Variants in GCH1 observed in about 807,000 individuals in gnomAD.
GCH1 encodes the protein GTP cyclohydrolase 1, also known as GTP cyclohydrolase I.
GCH1 carries 5 observed loss-of-function variants against 25.9 expected under a neutral mutation model. The ratio of observed to expected loss-of-function variants is 0.19; its 90% confidence interval spans 0.10 to 0.41. The LOEUF is 0.41. Ranked by LOEUF, GCH1 falls within the 10% of genes least tolerant of loss-of-function variation. GCH1 has a pLI of 1.00. For missense variants in GCH1, 261 were observed against 336.5 expected, an observed-to-expected ratio of 0.78 and a Z score of 1.75; for synonymous variants, 159 against 129.6, an observed-to-expected ratio of 1.23 and a Z score of -1.54.
rs2039579106 is a variant in GCH1 at position 54,842,886 on chromosome 14, A to G, written c.*1131T>C. On this transcript the variant is annotated 3_prime_UTR_variant, in exon 6 of 6. Transcript: ENST00000491895. The stretch of plus-strand genomic sequence containing the variant: ...TCTATACGGAGTTACAATGAGGACA[A>G]GACCCACATAGACCACAAAGGAAAC... The G allele has an allele frequency of 1.8e-6, 1 of 548,602 alleles. No individual in the cohort carries two copies. The highest frequency in any genetic ancestry group is 3.3e-5 in the Admixed American group (1 of 29,928). The allele number at this position is 548,602 out of a possible 1,614,324, so 34.0% of individuals were successfully genotyped here. A position where few individuals can be genotyped will look rare whatever the true frequency, so the allele number is the denominator to read the frequency against.
chr14:54,890,508 AT>A (rs1383418183), intron 1 of GCH1, among the ~76,000 whole-genome samples: 1 of 152,194 alleles, frequency 6.6e-6, no homozygotes, highest in African/African-American at 2.4e-5. Flanking sequence ...CAAAAAATAA[AT>A]AAATAACCAG....
At chr14:54,895,983 G>A (rs1002334690) in intron 1 of GCH1, among the ~76,000 whole-genome samples, 35 of 152,176 alleles carry the variant, frequency 2.3e-4, no homozygotes, top group African/African-American at 8.2e-4. Flanking sequence ...ATGGAGAGAC[G>A]CTGCAACGTA....
intron 4 of GCH1, among the ~76,000 whole-genome samples, chr14:54,846,782 C>G (rs926828747): frequency 1.3e-5 from 2 of 152,204 alleles, no homozygotes; most frequent in Admixed American, 6.5e-5. Context: ...TTTCTGTAGC[C>G]AGGCACAGTG....
intron 1 of GCH1, among the ~76,000 whole-genome samples, chr14:54,894,545 C>G (rs1006275287): frequency 6.6e-6 from 1 of 152,070 alleles, no homozygotes; most frequent in Non-Finnish European, 1.5e-5. Flanking sequence ...GAATCTAGTA[C>G]GAGTACCAAC....
At chr14:54,893,625 C>T (rs947772987) in intron 1 of GCH1, among the ~76,000 whole-genome samples, 2 of 152,182 alleles carry the variant, frequency 1.3e-5, no homozygotes, top group African/African-American at 4.8e-5. Context: ...CTCTCAGCTC[C>T]GCCACTTTCA....
At chr14:54,883,231 G>A (rs576856956) in intron 1 of GCH1, among the ~76,000 whole-genome samples, 3 of 151,742 alleles carry the variant, frequency 2.0e-5, no homozygotes, top group Non-Finnish European at 4.4e-5. Context: ...AATTAGCCGG[G>A]CACGGTGGCG....
rs529779746 is a variant in GCH1 at position 54,890,442 on chromosome 14, G to A, written c.343+11879C>T. On this transcript the variant is annotated intron_variant, in intron 1 of 5. Coordinates refer to ENST00000491895, the MANE Select transcript of GCH1 (RefSeq NM_000161.3). ...GAACCTGGGAGGTGGAGGTTGCGGT[G>A]AGACGAGATCGCGCCATTGCACTCC... 2.2e-4 allele frequency among the ~76,000 whole-genome samples: 34 copies of A among 152,330 alleles called. 3 individuals carry two copies. In the South Asian group the frequency reaches 7.0e-3, roughly 32 times the overall value.
chr14:54,900,809 G>A (rs1003290755), intron 1 of GCH1, among the ~76,000 whole-genome samples: 2 of 148,890 alleles, frequency 1.3e-5, no homozygotes, highest in African/African-American at 5.0e-5. Flanking sequence ...AATGAGTAAG[G>A]CCTTAAGAAG....
chr14:54,883,487 G>A (rs1378843162), intron 1 of GCH1, among the ~76,000 whole-genome samples: 2 of 151,682 alleles, frequency 1.3e-5, no homozygotes, highest in African/African-American at 4.8e-5. Context: ...TGACCATCCT[G>A]GCTAAGACGG....
At chr14:54,892,595 A>G (rs2040437480) in intron 1 of GCH1, among the ~76,000 whole-genome samples, 1 of 152,016 alleles carries the variant, frequency 6.6e-6, no homozygotes, top group South Asian at 2.1e-4. Flanking sequence ...AGGCTGAGGC[A>G]GGAGAATTGC....
chr14:54,863,843 T>A (rs751213183), intron 2 of GCH1, among the ~76,000 whole-genome samples: 6 of 128,248 alleles, frequency 4.7e-5, no homozygotes, highest in Non-Finnish European at 6.5e-5. Flanking sequence ...TGTGGGGGTT[T>A]CGTTGTTGTT....
chr14:54,885,221 T>C, intron 1 of GCH1: 1 of 198,080 alleles, frequency 5.0e-6, no homozygotes, highest in East Asian at 1.6e-4. Flanking sequence ...GGCCCATTCC[T>C]TCCCCACACT....
chr14:54,863,358 C>T (rs1324779800), intron 2 of GCH1, among the ~76,000 whole-genome samples: 1 of 128,128 alleles, frequency 7.8e-6, no homozygotes, highest in South Asian at 2.6e-4. Context: ...GGAGGTGGAG[C>T]TTGCAGTGAG....
intron 3 of GCH1, among the ~76,000 whole-genome samples, chr14:54,848,711 G>A (rs994816371): frequency 2.0e-5 from 3 of 152,060 alleles, no homozygotes; most frequent in Non-Finnish European, 2.9e-5. Flanking sequence ...TTACCACTCA[G>A]CCCAGAGCTC....
At position 54,842,460 on chromosome 14, in the gene GCH1, T is replaced by C. The variant is rs2039572051; in HGVS notation, c.*1557A>G. The stretch of plus-strand genomic sequence containing the variant: ...GTCTAAATATTAAGCAGGCTAATGT[T>C]TATACTGGGCTAGATTTAAAAAGGT... On this transcript the variant is annotated 3_prime_UTR_variant, in exon 6 of 6. Transcript: ENST00000491895. 1.3e-5 allele frequency: 2 copies of C among 152,636 alleles called. No individual in the cohort carries two copies. The highest frequency in any genetic ancestry group is 4.1e-4 in the South Asian group (2 of 4,830). 9.5% of individuals were successfully genotyped at this position (152,636 alleles called of 1,614,324 possible). A position where few individuals can be genotyped will look rare whatever the true frequency, so the allele number is the denominator to read the frequency against.
At chr14:54,867,857 C>T (rs776418958) in intron 1 of GCH1, among the ~76,000 whole-genome samples, 43 of 152,042 alleles carry the variant, frequency 2.8e-4, no homozygotes, top group Non-Finnish European at 4.6e-4. Context: ...TGAGGTACAT[C>T]AAAATTTAAA....
intron 1 of GCH1, among the ~76,000 whole-genome samples, chr14:54,882,097 A>G (rs2040280852): frequency 1.3e-5 from 2 of 152,388 alleles, no homozygotes; most frequent in African/African-American, 4.8e-5. Flanking sequence ...GTGAAAGCAC[A>G]TAAAATCCCT....
chr14:54,873,188 A>G (rs1361211082), intron 1 of GCH1, among the ~76,000 whole-genome samples: 1 of 152,178 alleles, frequency 6.6e-6, no homozygotes, highest in Admixed American at 6.5e-5. Flanking sequence ...GGATTAATAA[A>G]TTCACTCAAA....
At chr14:54,847,168 A>G (rs1280046439) in intron 3 of GCH1, 38 bp from the exon 4 acceptor site, 3 of 845,596 alleles carry the variant, frequency 3.5e-6, no homozygotes, top group Non-Finnish European at 5.8e-6. Context: ...ATCACAAATC[A>G]TTTGAAGTAA....
Sources: gnomAD v4.1 joint callset for allele counts (sites outside exome capture counted in the v4.1 genomes callset) on GRCh38, gnomAD v4.1.1 for gene constraint, MANE v1.5 for transcripts, NCBI Gene and HGNC (gene_info 2026-07-23, HGNC 2026-07-21) for gene names.